FER1L6: variants seen among roughly 807,000 people sequenced by gnomAD.
FER1L6 encodes the protein fer-1 like family member 6.
A neutral mutation model predicts 219.2 loss-of-function variants in FER1L6; 177 were observed. The observed-to-expected ratio is 0.81, with a 90% CI of 0.71 to 0.91. The LOEUF is 0.91. Among genes scored for constraint, FER1L6 ranks in the 40% least tolerant of loss-of-function variants. The pLI is 0.00. For synonymous variants in FER1L6, 768 were observed against 824.3 expected (o/e 0.93, Z 1.17); for missense variants, 2,153 against 2,259.9 (o/e 0.95, Z 0.96).
intron 25 of FER1L6, among the ~76,000 whole-genome samples, chr8:124,063,145 T>A (rs1343670089): frequency 6.6e-6 from 1 of 152,224 alleles, no homozygotes; most frequent in Non-Finnish European, 1.5e-5. Flanking sequence ...CCATATTTTA[T>A]GTGCTTTAAT....
At position 124,119,768 on chromosome 8, in the gene FER1L6, G is replaced by A. The variant is rs182687634; in HGVS notation, c.5552G>A (p.Arg1851Gln). ...FIYTLPGAIS[R>Q]RIVVGS is the part of the protein sequence containing the mutation. Reference sequence around the variant, plus strand: ...TACACCTTGCCAGGAGCCATCAGCCGAAGGATCGTTGTGGGCTCATAGAGG... The same window carrying A: ...TACACCTTGCCAGGAGCCATCAGCCAAAGGATCGTTGTGGGCTCATAGAGG... The change falls in exon 41 of 41, where the codon CGA (arginine) becomes CAA (glutamine). Residue 1851 changes from arginine (R) to glutamine (Q), a missense_variant. Coordinates refer to ENST00000522917, the MANE Select transcript of FER1L6 (RefSeq NM_001039112.2). 1.1e-3 allele frequency: 1,834 copies of A among 1,613,888 alleles called. 2 individuals carry two copies. Among genetic ancestry groups the A allele is most frequent in the Non-Finnish European group, 1.4e-3 (1,632 of 1,179,924 alleles).
intron 1 of FER1L6, among the ~76,000 whole-genome samples, chr8:123,890,765 A>G (rs1037431464): frequency 8.6e-5 from 13 of 151,412 alleles, no homozygotes; most frequent in Non-Finnish European, 1.9e-4. Context: ...TTATTAATTG[A>G]TAACTAATAG....
intron 13 of FER1L6, among the ~76,000 whole-genome samples, chr8:124,010,166 G>A (rs897536393): frequency 2.0e-5 from 3 of 152,020 alleles, no homozygotes; most frequent in Admixed American, 1.3e-4. Flanking sequence ...GAGCAATGTC[G>A]TTGTAGTTCA....
intron 32 of FER1L6, among the ~76,000 whole-genome samples, chr8:124,079,877 C>A (rs1821463274): frequency 6.6e-6 from 1 of 152,108 alleles, no homozygotes; most frequent in African/African-American, 2.4e-5. Flanking sequence ...CAAGGCTCAG[C>A]CAAAGAGTCA....
rs200242174 is a variant in FER1L6, at chr8:124,044,362, TA to T, written c.2590-1401del. Among the ~76,000 whole-genome samples, 1,314 of 152,226 alleles carry T rather than the reference TA, an allele frequency of 8.6e-3. 84 individuals carry two copies. The highest frequency in any genetic ancestry group is 0.076 in the Admixed American group (1,169 of 15,288). ...GTTGTGTCTCAGACATAAAGTACCC[TA>T]AAAGTGAAAAAGCAAGAAGAGAAGG... On this transcript the variant is annotated intron_variant, in intron 20 of 40. Transcript: ENST00000522917.
chr8:123,945,721 A>G (rs1814457552), intron 1 of FER1L6, among the ~76,000 whole-genome samples: 1 of 152,234 alleles, frequency 6.6e-6, no homozygotes, highest in Non-Finnish European at 1.5e-5. Flanking sequence ...TATTCTTGGA[A>G]CTAATTAGCT....
At chr8:123,911,609 G>C (rs756100930) in intron 1 of FER1L6, among the ~76,000 whole-genome samples, 1 of 152,160 alleles carries the variant, frequency 6.6e-6, no homozygotes, top group African/African-American at 2.4e-5. Context: ...TGTTCACTTA[G>C]TGAGCTCATC....
At chr8:124,011,388 C>G (rs1377172323) in intron 14 of FER1L6, among the ~76,000 whole-genome samples, 1 of 152,120 alleles carries the variant, frequency 6.6e-6, no homozygotes, top group East Asian at 1.9e-4. Context: ...AGGGGTCTTG[C>G]TTTGTCACTC....
intron 39 of FER1L6, among the ~76,000 whole-genome samples, chr8:124,116,643 A>T (rs1307577930): frequency 6.6e-6 from 1 of 152,222 alleles, no homozygotes; most frequent in Non-Finnish European, 1.5e-5. Context: ...TGTGGCCCTA[A>T]CTTATTCTCT....
At chr8:123,927,162 GA>G (rs10531303) in intron 1 of FER1L6, among the ~76,000 whole-genome samples, 8,168 of 135,586 alleles carry the variant, frequency 0.06, 663 homozygotes, top group African/African-American at 0.2. Flanking sequence ...CAGCAGGCAG[GA>G]AAAAAAAAAA....
chr8:124,060,020 A>ATAATT, intron 22 of FER1L6, 160 bp from the exon 23 acceptor site: 1 of 607,498 alleles, frequency 1.6e-6, no homozygotes, highest in South Asian at 2.0e-5. Context: ...CAATTAATAA[A>ATAATT]TAATTAAATA....
chr8:123,872,245 A>C (rs930406584), intron 1 of FER1L6, among the ~76,000 whole-genome samples: 1 of 152,164 alleles, frequency 6.6e-6, no homozygotes, highest in East Asian at 1.9e-4. Flanking sequence ...ACCAGGCCCC[A>C]CCTCAACATT....
At chr8:123,917,378 A>T (rs1055401786) in intron 1 of FER1L6, among the ~76,000 whole-genome samples, 2 of 152,264 alleles carry the variant, frequency 1.3e-5, no homozygotes, top group African/African-American at 4.8e-5. Flanking sequence ...CAGTACATCA[A>T]TAATATCCAC....
chr8:123,932,914 CA>C (rs1203096189), intron 1 of FER1L6, among the ~76,000 whole-genome samples: 13 of 152,304 alleles, frequency 8.5e-5, no homozygotes, highest in African/African-American at 2.6e-4. Context: ...GTAGAGGAGA[CA>C]GACAGGTAAA....
At chr8:123,854,186 G>C (rs898507936) in intron 1 of FER1L6, among the ~76,000 whole-genome samples, 2 of 152,106 alleles carry the variant, frequency 1.3e-5, no homozygotes, top group Non-Finnish European at 2.9e-5. Flanking sequence ...AATGATCTAG[G>C]CTTTTCTGAG....
chr8:123,953,436 TAA>T (rs958672987), intron 1 of FER1L6, among the ~76,000 whole-genome samples: 17 of 152,194 alleles, frequency 1.1e-4, no homozygotes, highest in African/African-American at 3.9e-4. Flanking sequence ...AGTATTTTTA[TAA>T]ACTTCCTTAG....
At chr8:123,897,283 C>T (rs1242008742) in intron 1 of FER1L6, among the ~76,000 whole-genome samples, 2 of 152,084 alleles carry the variant, frequency 1.3e-5, no homozygotes, top group East Asian at 1.9e-4. Context: ...TATGTTACCC[C>T]CTGTTCTACA....
At position 124,100,753 on chromosome 8, in the gene FER1L6, T is replaced by A. The variant is rs188523439; in HGVS notation, c.4884-344T>A. Among the ~76,000 whole-genome samples the A allele has an allele frequency of 2.6e-4, 40 of 152,254 alleles. No individual in the cohort carries two copies. In the East Asian group the frequency reaches 7.6e-3, roughly 29 times the overall value. Reference sequence around the variant, plus strand: ...CTAACACTCAAGTATAGAGGTGGCATCCCTTACAAAGAGGGTTCCCAGGGT... The same window carrying A: ...CTAACACTCAAGTATAGAGGTGGCAACCCTTACAAAGAGGGTTCCCAGGGT... On this transcript the variant is annotated intron_variant, in intron 37 of 40. Transcript: ENST00000522917.
chr8:123,965,863 G>T, intron 3 of FER1L6, 144 bp from the exon 4 acceptor site: 1 of 750,910 alleles, frequency 1.3e-6, no homozygotes. Flanking sequence ...TCATTTGTCC[G>T]CTTATACTTA....
Sources: allele counts gnomAD v4.1 joint callset (sites outside exome capture counted in the v4.1 genomes callset), GRCh38; gene constraint gnomAD v4.1.1; transcripts MANE v1.5; gene names NCBI Gene and HGNC (gene_info 2026-07-23, HGNC 2026-07-21).